HDAC4: variants seen among roughly 807,000 people sequenced by gnomAD.
The protein encoded by HDAC4 is histone deacetylase 4.
A neutral mutation model predicts 135.1 loss-of-function variants in HDAC4; 16 were observed. The observed-to-expected ratio is 0.12, with a 90% CI of 0.08 to 0.18. HDAC4 has a LOEUF of 0.18. Among genes scored for constraint, HDAC4 ranks in the 10% least tolerant of loss-of-function variants. The pLI is 1.00. For missense variants in HDAC4, 1,143 were observed against 1,511.8 expected (o/e 0.76, Z 4.05); for synonymous variants, 685 against 653.4 (o/e 1.05, Z -0.74).
chr2:239,170,603 G>A (rs936919585), intron 5 of HDAC4, among the ~76,000 whole-genome samples: 9 of 152,170 alleles, frequency 5.9e-5, no homozygotes, highest in Admixed American at 2.0e-4. Flanking sequence ...CCAAGCACAT[G>A]GTGTTTTCAA....
chr2:239,283,673 T>G (rs531001378), intron 2 of HDAC4, among the ~76,000 whole-genome samples: 104 of 152,248 alleles, frequency 6.8e-4, no homozygotes, highest in African/African-American at 2.5e-3. Context: ...GCTAATTTCG[T>G]TTTCATAACG....
At chr2:239,145,501 G>A (rs758080691) in intron 7 of HDAC4, among the ~76,000 whole-genome samples, 10 of 152,200 alleles carry the variant, frequency 6.6e-5, no homozygotes, top group East Asian at 5.8e-4. Context: ...CGCGAGGCCC[G>A]CCTTGGGAAG....
intron 22 of HDAC4, among the ~76,000 whole-genome samples, chr2:239,079,957 A>C (rs906976664): frequency 6.7e-6 from 1 of 148,492 alleles, no homozygotes; most frequent in African/African-American, 2.6e-5. Flanking sequence ...AGATGTGTGT[A>C]ACACACATAG....
chr2:239,079,623 A>G (rs2035099439), intron 22 of HDAC4, among the ~76,000 whole-genome samples: 1 of 152,238 alleles, frequency 6.6e-6, no homozygotes, highest in Admixed American at 6.5e-5. Flanking sequence ...AGTCCACACA[A>G]GACGTTTACA....
At chr2:239,387,977 A>G (rs1225953700) in intron 1 of HDAC4, among the ~76,000 whole-genome samples, 1 of 152,150 alleles carries the variant, frequency 6.6e-6, no homozygotes, top group Admixed American at 6.5e-5. Context: ...CAGGTATCAG[A>G]CGGGAGGACG....
chr2:239,263,168 C>T (rs940143044), intron 2 of HDAC4, among the ~76,000 whole-genome samples: 1 of 152,158 alleles, frequency 6.6e-6, no homozygotes, highest in Non-Finnish European at 1.5e-5. Context: ...TCTGCTGTGT[C>T]GGTGCCCTAG....
chr2:239,225,809 C>T (rs1470045320), intron 3 of HDAC4, among the ~76,000 whole-genome samples: 6 of 152,220 alleles, frequency 3.9e-5, no homozygotes, highest in South Asian at 2.1e-4. Context: ...GATGGCCCCT[C>T]GGAGCCCCTC....
intron 2 of HDAC4, among the ~76,000 whole-genome samples, chr2:239,286,282 T>A (rs74000589): frequency 0.043 from 6,607 of 151,936 alleles, 154 homozygotes; most frequent in Middle Eastern, 0.058. Flanking sequence ...TGATGCATTT[T>A]AAAAAAAAGA....
intron 1 of HDAC4, among the ~76,000 whole-genome samples, chr2:239,377,733 G>A (rs1054425254): frequency 6.6e-6 from 1 of 152,152 alleles, no homozygotes; most frequent in African/African-American, 2.4e-5. Flanking sequence ...GACCCAACGT[G>A]GTGAAAAGAC....
At chr2:239,198,616 G>A (rs545624079) in intron 3 of HDAC4, among the ~76,000 whole-genome samples, 2 of 152,278 alleles carry the variant, frequency 1.3e-5, no homozygotes, top group African/African-American at 4.8e-5. Context: ...CTTCCATCTG[G>A]TGAGTTCTCA....
At chr2:239,158,714 G>A (rs985086624) in intron 6 of HDAC4, among the ~76,000 whole-genome samples, 3 of 152,032 alleles carry the variant, frequency 2.0e-5, no homozygotes, top group African/African-American at 4.8e-5. Flanking sequence ...TGCAGAGCCC[G>A]CCCCACCGCG....
At chr2:239,159,150 C>G (rs528414496) in intron 6 of HDAC4, among the ~76,000 whole-genome samples, 1 of 150,820 alleles carries the variant, frequency 6.6e-6, no homozygotes, top group East Asian at 2.0e-4. Flanking sequence ...CCCAACTACT[C>G]ACACCTGCAC....
At position 239,116,443 on chromosome 2, in the gene HDAC4, C is replaced by T. The variant is rs564252804; in HGVS notation, c.1534-1133G>A. On this transcript the variant is annotated intron_variant, in intron 12 of 26. Coordinates refer to ENST00000543185, the MANE Select transcript of HDAC4 (RefSeq NM_001378414.1). ...TCCCAATTCTGTCCGCCAAGCACTG[C>T]CCATGCATTGCTCACGAGAAACGCC... 1.4e-4 allele frequency among the ~76,000 whole-genome samples: 22 copies of T among 152,368 alleles called. No homozygotes were observed. The South Asian group carries it at 4.1e-3, about 29-fold the overall frequency.
rs2043214071 is a variant in HDAC4 at position 239,167,983 on chromosome 2, C to T, written c.491-4060G>A. Reference sequence around the variant, plus strand: ...GCGGGGCGGGGCAGGTGGGGAGGGACGGCTGTGTTCGGGGAGGGACGGCTG... The same window carrying T: ...GCGGGGCGGGGCAGGTGGGGAGGGATGGCTGTGTTCGGGGAGGGACGGCTG... On this transcript the variant is annotated intron_variant, in intron 5 of 26. Coordinates refer to ENST00000543185, the MANE Select transcript of HDAC4 (RefSeq NM_001378414.1). The surrounding 1 kb of genome is among the most constrained non-coding windows in gnomAD (Gnocchi z 4.1). Among the ~76,000 whole-genome samples, 3 of 151,332 alleles carry T rather than the reference C, an allele frequency of 2.0e-5. No individual in the cohort carries two copies. The highest frequency in any genetic ancestry group is 2.1e-4 in the South Asian group (1 of 4,694).
chr2:239,387,984 G>C (rs1695940736), intron 1 of HDAC4, among the ~76,000 whole-genome samples: 1 of 152,178 alleles, frequency 6.6e-6, no homozygotes, highest in Non-Finnish European at 1.5e-5. Context: ...CAGACGGGAG[G>C]ACGGGTATCC....
chr2:239,137,657 C>T (rs1237314476), intron 9 of HDAC4, among the ~76,000 whole-genome samples: 3 of 152,174 alleles, frequency 2.0e-5, no homozygotes, highest in South Asian at 4.1e-4. Context: ...CTCGAGACAC[C>T]CCCTCTGACG....
Position 239,168,290 on chromosome 2 carries a change from G to A in HDAC4, c.491-4367C>T, listed in dbSNP as rs563099335. Among the ~76,000 whole-genome samples, 15 of 152,304 alleles carry A rather than the reference G, an allele frequency of 9.8e-5. No individual in the cohort carries two copies. In the South Asian group the frequency reaches 3.1e-3, roughly 32 times the overall value. ...AGCGGGGCTGTATTCGCTCCACACT[G>A]CTCGGGCCGAGTCCAGCCTGCCCCT... On this transcript the variant is annotated intron_variant, in intron 5 of 26. Transcript: ENST00000543185.
intron 8 of HDAC4, among the ~76,000 whole-genome samples, chr2:239,143,694 G>A (rs1014649953): frequency 1.3e-5 from 2 of 152,242 alleles, no homozygotes; most frequent in African/African-American, 4.8e-5. Context: ...CACTGCTGAA[G>A]CAGAGTCCCT....
At chr2:239,197,882 T>TGTGTGTGTGTGTGTGTGTGTGC (rs796837146) in intron 3 of HDAC4, among the ~76,000 whole-genome samples, 1 of 150,312 alleles carries the variant, frequency 6.7e-6, no homozygotes, top group Non-Finnish European at 1.5e-5. Context: ...TGTGTGTGTG[T>TGTGTGTGTGTGTGTGTGTGTGC]GCTGAGTGTC....
Sources: gnomAD v4.1 joint callset for allele counts (sites outside exome capture counted in the v4.1 genomes callset) on GRCh38, gnomAD v4.1.1 for gene constraint, Gnocchi (gnomAD v3.1) non-coding constraint, MANE v1.5 for transcripts, NCBI Gene and HGNC (gene_info 2026-07-23, HGNC 2026-07-21) for gene names.